The following CADM2 variants were observed in gnomAD, a reference collection of about 807,000 sequenced individuals.
CADM2 encodes immunoglobulin superfamily member 4D.
In CADM2, 12 loss-of-function variants were observed where a neutral mutation model predicts 49.8. The ratio of observed to expected loss-of-function variants is 0.24; its 90% CI spans 0.15 to 0.39. The LOEUF (loss-of-function observed/expected upper bound fraction) is 0.39. Ranked by LOEUF, CADM2 falls within the 10% of genes least tolerant of loss-of-function variation. CADM2 has a pLI of 1.00. For missense variants in CADM2, 378 were observed against 492.3 expected, an observed-to-expected ratio of 0.77 and a Z score of 2.20; for synonymous variants, 214 against 175.4, an observed-to-expected ratio of 1.22 and a Z score of -1.74.
chr3:85,842,240 C>T (rs1474234776), intron 3 of CADM2, among the ~76,000 whole-genome samples: 1 of 152,060 alleles, frequency 6.6e-6, no homozygotes, highest in African/African-American at 2.4e-5. Context: ...AATGACCTAT[C>T]CCCACAAGAG....
chr3:85,705,006 C>T (rs1032434247), intron 1 of CADM2, among the ~76,000 whole-genome samples: 46 of 150,350 alleles, frequency 3.1e-4, no homozygotes, highest in African/African-American at 1.1e-3. Context: ...CTATAGGTGC[C>T]CACCACCACG....
chr3:86,011,537 A>G (rs1400073173), intron 8 of CADM2, among the ~76,000 whole-genome samples: 1 of 152,084 alleles, frequency 6.6e-6, no homozygotes, highest in Non-Finnish European at 1.5e-5. Flanking sequence ...AAATTGGTGG[A>G]ATTGGGGCGA....
rs1023078621 is a variant in CADM2 at position 84,959,386 on chromosome 3, G to A, written c.-222G>A. The A allele has an allele frequency of 6.9e-6, 4 of 577,092 alleles. No homozygotes were observed. In the African/African-American group the frequency reaches 7.7e-5, roughly 11 times the overall value. 35.7% of individuals were successfully genotyped at this position (577,092 alleles called of 1,614,324 possible). On this transcript the variant is annotated 5_prime_UTR_variant, in exon 1 of 10. Transcript: ENST00000383699. Reference sequence around the variant, plus strand: ...GCTGCACCACCAGCAGGAGGAGGAGGAGAAGAAACTATTTCGCGATACCCC... The same window carrying A: ...GCTGCACCACCAGCAGGAGGAGGAGAAGAAGAAACTATTTCGCGATACCCC...
At chr3:85,497,918 T>A (rs2107658936) in intron 1 of CADM2, among the ~76,000 whole-genome samples, 1 of 152,140 alleles carries the variant, frequency 6.6e-6, no homozygotes, top group East Asian at 1.9e-4. Flanking sequence ...TAAATATATA[T>A]ACATATACAC....
intron 1 of CADM2, among the ~76,000 whole-genome samples, chr3:85,378,210 A>G (rs1353967263): frequency 6.6e-6 from 1 of 152,064 alleles, no homozygotes; most frequent in African/African-American, 2.4e-5. Flanking sequence ...AATATGAAGT[A>G]TAAGATCTTA....
intron 1 of CADM2, among the ~76,000 whole-genome samples, chr3:85,330,900 T>C (rs2044902402): frequency 6.6e-6 from 1 of 152,046 alleles, no homozygotes; most frequent in African/African-American, 2.4e-5. Flanking sequence ...AGTTTGAGGC[T>C]GCAGTGAGCC....
chr3:85,590,927 A>T (rs1450571525), intron 1 of CADM2, among the ~76,000 whole-genome samples: 8 of 148,798 alleles, frequency 5.4e-5, no homozygotes, highest in African/African-American at 7.4e-5. Context: ...TTGGAAACTC[A>T]TTTTTTTTTT....
At chr3:85,859,312 C>T (rs976040883) in intron 3 of CADM2, among the ~76,000 whole-genome samples, 3 of 141,542 alleles carry the variant, frequency 2.1e-5, no homozygotes, top group Non-Finnish European at 4.5e-5. Flanking sequence ...CTCACTGCAA[C>T]CTCTGCCTCC....
Position 85,701,938 on chromosome 3 carries a change from AAG to A in CADM2, c.62-24582_62-24581del, listed in dbSNP as rs1249500153. On this transcript the variant is annotated intron_variant, in intron 1 of 9. Coordinates refer to ENST00000383699, the MANE Select transcript of CADM2 (RefSeq NM_001167675.2). ...AAAGAAAAAGGAAGAAAGAAAAAGAAAGAAGAAATAAAGATAGATGTAGATAG... is the reference window on the plus strand; with the variant it reads ...AAAGAAAAAGGAAGAAAGAAAAAGAAAAGAAATAAAGATAGATGTAGATAG... Among the ~76,000 whole-genome samples, 3 of 151,924 alleles carry A rather than the reference AAG, an allele frequency of 2.0e-5. No individual in the cohort carries two copies. In the East Asian group the frequency reaches 5.8e-4, roughly 30 times the overall value.
At chr3:85,282,963 T>C (rs1378239563) in intron 1 of CADM2, among the ~76,000 whole-genome samples, 1 of 152,064 alleles carries the variant, frequency 6.6e-6, no homozygotes, top group Non-Finnish European at 1.5e-5. Flanking sequence ...ATACCCTGAC[T>C]TCATCATAAC....
chr3:85,360,066 G>T (rs1188656387), intron 1 of CADM2, among the ~76,000 whole-genome samples: 1 of 151,548 alleles, frequency 6.6e-6, no homozygotes, highest in African/African-American at 2.4e-5. Context: ...CGTATACAAA[G>T]ATAAATACAA....
intron 1 of CADM2, among the ~76,000 whole-genome samples, chr3:85,200,475 G>A (rs2041467008): frequency 6.6e-6 from 1 of 152,060 alleles, no homozygotes. Flanking sequence ...GGGACACGAT[G>A]TACCCTTCAC....
intron 1 of CADM2, among the ~76,000 whole-genome samples, chr3:85,265,123 G>C (rs1462005721): frequency 6.6e-6 from 1 of 151,798 alleles, no homozygotes; most frequent in East Asian, 1.9e-4. Flanking sequence ...TATTTAAATA[G>C]GTTATAGCAA....
At chr3:84,962,078 G>A (rs1005477927) in intron 1 of CADM2, among the ~76,000 whole-genome samples, 5 of 151,852 alleles carry the variant, frequency 3.3e-5, no homozygotes, top group Non-Finnish European at 1.5e-5. Context: ...GTGCGGGGAA[G>A]GGGTGTGAGT....
At chr3:85,314,205 C>T (rs747525626) in intron 1 of CADM2, among the ~76,000 whole-genome samples, 1 of 152,062 alleles carries the variant, frequency 6.6e-6, no homozygotes, top group East Asian at 1.9e-4. Context: ...ATCTTTCATT[C>T]AATAATTATT....
intron 1 of CADM2, among the ~76,000 whole-genome samples, chr3:85,621,991 A>G (rs1025893726): frequency 9.2e-5 from 14 of 152,332 alleles, no homozygotes; most frequent in African/African-American, 2.9e-4. Flanking sequence ...ATAAAAGTAT[A>G]TATTTAATTT....
chr3:85,269,448 T>C (rs191630793), intron 1 of CADM2, among the ~76,000 whole-genome samples: 1 of 151,582 alleles, frequency 6.6e-6, no homozygotes, highest in Non-Finnish European at 1.5e-5. Flanking sequence ...TAATTTGTCT[T>C]AAATGATGAA....
At chr3:85,245,181 G>C (rs907990107) in intron 1 of CADM2, among the ~76,000 whole-genome samples, 2 of 152,126 alleles carry the variant, frequency 1.3e-5, no homozygotes, top group African/African-American at 4.8e-5. Context: ...TGAGTGCTCT[G>C]TGGATTCAAG....
rs1277032807 is a variant in CADM2, at chr3:86,012,600, G to T, written c.970+50953G>T. On this transcript the variant is annotated intron_variant, in intron 8 of 9. Coordinates refer to ENST00000383699, the MANE Select transcript of CADM2 (RefSeq NM_001167675.2). Reference sequence around the variant, plus strand: ...CGCTGCCCCCAACTGCACGCGAAGCGCACGCAGTCCGACCTGGCCTTCTTC... The same window carrying T: ...CGCTGCCCCCAACTGCACGCGAAGCTCACGCAGTCCGACCTGGCCTTCTTC... 1.5e-5 allele frequency: 24 copies of T among 1,577,792 alleles called. No individual in the cohort carries two copies. In the East Asian group the frequency reaches 2.8e-4, roughly 18 times the overall value.
Sources: allele counts gnomAD v4.1 joint callset (sites outside exome capture counted in the v4.1 genomes callset), GRCh38; gene constraint gnomAD v4.1.1; transcripts MANE v1.5; gene names NCBI Gene and HGNC (gene_info 2026-07-23, HGNC 2026-07-21).